Variants in GREB1L observed in about 807,000 individuals in gnomAD.
The protein encoded by GREB1L is GREB1 like retinoic acid receptor coactivator, also known as GREB1-like protein.
Under a neutral mutation model 200.8 loss-of-function variants are expected in GREB1L, and 17 were observed. The observed-to-expected ratio is 0.08, with a 90% CI of 0.06 to 0.13. The LOEUF is 0.13. GREB1L is among the 10% of genes least tolerant of loss of function. The pLI, the probability that GREB1L is intolerant of heterozygous loss-of-function variation, is 1.00. For synonymous variants in GREB1L, 789 were observed against 893.0 expected (o/e 0.88, Z 2.08); for missense variants, 1,657 against 2,367.7 (o/e 0.70, Z 6.23).
chr18:21,477,435 C>A, intron 17 of GREB1L, 79 bp downstream of exon 17: 1 of 1,107,966 alleles, frequency 9.0e-7, no homozygotes, highest in South Asian at 2.1e-5. Flanking sequence ...CAAAATGTGT[C>A]ATGGCTTAAG....
At chr18:21,389,336 T>G (rs903672562) in intron 4 of GREB1L, among the ~76,000 whole-genome samples, 24 of 145,528 alleles carry the variant, frequency 1.6e-4, no homozygotes, top group Non-Finnish European at 2.8e-4. Context: ...GGGGTGGGTT[T>G]TTTTTTTTTT....
At chr18:21,483,096 G>A (rs2035985927) in intron 17 of GREB1L, among the ~76,000 whole-genome samples, 1 of 152,106 alleles carries the variant, frequency 6.6e-6, no homozygotes, top group African/African-American at 2.4e-5. Context: ...AACCCATACT[G>A]GCTCTAGTTA....
In GREB1L at chr18:21,288,628, G is replaced by A. The variant is rs557294211; in HGVS notation, c.-120+46235G>A. ...CTTTTATGTAAGTCTAAGAACTTTT[G>A]TGCAGGTTTAATTTTGAGATAAATT... On this transcript the variant is annotated intron_variant, in intron 1 of 32. Coordinates refer to ENST00000424526, the MANE Select transcript of GREB1L (RefSeq NM_001142966.3). Among the ~76,000 whole-genome samples, 4 of 152,092 alleles carry A rather than the reference G, an allele frequency of 2.6e-5. No homozygotes were observed. The South Asian group carries it at 6.2e-4, about 24-fold the overall frequency.
chr18:21,439,749 G>T (rs558706104), intron 8 of GREB1L, 112 bp downstream of exon 8: 6 of 701,700 alleles, frequency 8.6e-6, no homozygotes, highest in African/African-American at 7.1e-5. Context: ...TTCTCAGTTC[G>T]TCATACAGTG....
chr18:21,300,641 C>T (rs1187084494), intron 1 of GREB1L, among the ~76,000 whole-genome samples: 3 of 152,192 alleles, frequency 2.0e-5, no homozygotes, highest in African/African-American at 7.2e-5. Context: ...AAGAATGGAA[C>T]ATATTTTCAC....
At chr18:21,518,312 A>G in intron 31 of GREB1L, 78 bp downstream of exon 31, 1 of 1,336,380 alleles carries the variant, frequency 7.5e-7, no homozygotes, top group South Asian at 1.4e-5. Context: ...ACAAAAAAGG[A>G]GCCTGTGACA....
chr18:21,369,650 G>T (rs917455881), intron 2 of GREB1L, among the ~76,000 whole-genome samples: 5 of 152,010 alleles, frequency 3.3e-5, no homozygotes, highest in African/African-American at 1.2e-4. Context: ...TAAGTATATT[G>T]CTAAGAAGGG....
intron 1 of GREB1L, among the ~76,000 whole-genome samples, chr18:21,248,771 A>T (rs1324532468): frequency 6.6e-6 from 1 of 152,238 alleles, no homozygotes; most frequent in Non-Finnish European, 1.5e-5. Flanking sequence ...ATTAGTTAAC[A>T]TTATATACAA....
At chr18:21,326,908 G>A (rs1247854085) in intron 1 of GREB1L, among the ~76,000 whole-genome samples, 1 of 152,142 alleles carries the variant, frequency 6.6e-6, no homozygotes, top group Non-Finnish European at 1.5e-5. Flanking sequence ...CCTTTTGGTA[G>A]ATGTCTGCTC....
At chr18:21,344,829 T>G (rs1476548239) in intron 1 of GREB1L, among the ~76,000 whole-genome samples, 1 of 152,220 alleles carries the variant, frequency 6.6e-6, no homozygotes. Context: ...TGGCCAGTGT[T>G]CCTACTCTTG....
At chr18:21,305,951 T>C (rs1486746768) in intron 1 of GREB1L, among the ~76,000 whole-genome samples, 1 of 152,250 alleles carries the variant, frequency 6.6e-6, no homozygotes, top group Non-Finnish European at 1.5e-5. Context: ...TTTCCTAAGA[T>C]GTCAACTCCT....
intron 23 of GREB1L, among the ~76,000 whole-genome samples, chr18:21,502,523 C>T (rs1029310289): frequency 3.9e-5 from 6 of 152,262 alleles, no homozygotes; most frequent in African/African-American, 1.4e-4. Flanking sequence ...TAGGGCCGAG[C>T]AAGAGTAGGT....
intron 7 of GREB1L, 57 bp from the exon 8 acceptor site, chr18:21,439,464 G>A: frequency 9.6e-7 from 1 of 1,037,116 alleles, no homozygotes; most frequent in South Asian, 1.4e-5. Flanking sequence ...CAGCATCCCA[G>A]AAAGCAGTGC....
chr18:21,284,469 A>C (rs2038321767), intron 1 of GREB1L, among the ~76,000 whole-genome samples: 1 of 152,170 alleles, frequency 6.6e-6, no homozygotes, highest in African/African-American at 2.4e-5. Context: ...TACTGAACAT[A>C]GTTTTCAGAG....
At chr18:21,376,827 A>AAAAAAAG (rs2143872292) in intron 2 of GREB1L, among the ~76,000 whole-genome samples, 1 of 151,832 alleles carries the variant, frequency 6.6e-6, no homozygotes, top group South Asian at 2.1e-4. Flanking sequence ...AAAAAAAAAA[A>AAAAAAAG]AAAAAAGAAA....
intron 1 of GREB1L, among the ~76,000 whole-genome samples, chr18:21,280,120 C>T (rs117120396): frequency 0.015 from 2,269 of 152,298 alleles, 21 homozygotes; most frequent in Non-Finnish European, 0.023. Context: ...ATAGTTTCAT[C>T]TGTTACTATT....
At chr18:21,482,274 T>C (rs921101102) in intron 17 of GREB1L, among the ~76,000 whole-genome samples, 2 of 152,250 alleles carry the variant, frequency 1.3e-5, no homozygotes, top group African/African-American at 2.4e-5. Flanking sequence ...GTTTTGTTTT[T>C]TGAGACGGAG....
intron 1 of GREB1L, among the ~76,000 whole-genome samples, chr18:21,275,096 T>C (rs1230821110): frequency 1.3e-5 from 2 of 151,856 alleles, no homozygotes; most frequent in African/African-American, 4.8e-5. Flanking sequence ...AAAAATTAGC[T>C]AGGCATGGTG....
chr18:21,440,477 A>G, intron 9 of GREB1L, 89 bp downstream of exon 9: 1 of 1,240,220 alleles, frequency 8.1e-7, no homozygotes, highest in Non-Finnish European at 1.1e-6. Context: ...ATTCTTGACA[A>G]TGAGTTATAT....
Sources: gnomAD v4.1 joint callset for allele counts (sites outside exome capture counted in the v4.1 genomes callset) on GRCh38, gnomAD v4.1.1 for gene constraint, MANE v1.5 for transcripts, NCBI Gene and HGNC (gene_info 2026-07-23, HGNC 2026-07-21) for gene names.